UNC13C: variants seen among roughly 807,000 people sequenced by gnomAD.
UNC13C encodes the protein protein unc-13 homolog C.
In UNC13C, 174 loss-of-function variants were observed where a neutral mutation model predicts 245.4. That is an observed-to-expected ratio of 0.71 (90% CI 0.63 to 0.80). UNC13C has a LOEUF of 0.80. Among genes scored for constraint, UNC13C ranks in the 30% least tolerant of loss-of-function variants. UNC13C has a pLI of 0.00. For synonymous variants in UNC13C, 992 were observed against 895.1 expected (o/e 1.11, Z -1.93); for missense variants, 2,829 against 2,602.9 (o/e 1.09, Z -1.89).
intron 30 of UNC13C, among the ~76,000 whole-genome samples, chr15:54,586,488 C>A (rs961052889): frequency 2.0e-5 from 3 of 152,146 alleles, no homozygotes; most frequent in Non-Finnish European, 4.4e-5. Flanking sequence ...TCTCTTCCTC[C>A]TCTTAAAAGG....
the UNC13C span, among the ~76,000 whole-genome samples, chr15:53,839,839 T>G: frequency 7.4e-3 from 1,132 of 152,246 alleles, 14 homozygotes; most frequent in African/African-American, 0.025. Context: ...TAAATTTTGA[T>G]ACGGATGTGT....
At chr15:53,939,367 C>A in the UNC13C span, among the ~76,000 whole-genome samples, 16 of 151,746 alleles carry the variant, frequency 1.1e-4, no homozygotes, top group African/African-American at 3.1e-4. Flanking sequence ...ACCAAAAAAC[C>A]CCGGGACCCG....
chr15:53,895,422 T>TA, the UNC13C span, among the ~76,000 whole-genome samples: 1 of 151,482 alleles, frequency 6.6e-6, no homozygotes, highest in Admixed American at 6.6e-5. Context: ...AAACAGGTTG[T>TA]AAGTAATTTA....
At chr15:54,132,431 T>C (rs1229282388) in intron 2 of UNC13C, among the ~76,000 whole-genome samples, 1 of 152,224 alleles carries the variant, frequency 6.6e-6, no homozygotes, top group Non-Finnish European at 1.5e-5. Flanking sequence ...ATGTGAGTTA[T>C]GAGTTAAATC....
At position 54,250,308 on chromosome 15, in the gene UNC13C, G is replaced by C; in HGVS notation, c.3312G>C (p.Thr1104=). The change falls in exon 8 of 33, where the codon ACG becomes ACC. Residue 1104 remains threonine (T), a synonymous_variant. Coordinates refer to ENST00000260323, the MANE Select transcript of UNC13C (RefSeq NM_001080534.3). ...STIPHNFEVW[T]ATTPTYCYEC... ...TCCCACACAATTTTGAGGTCTGGAC[G>C]GCTACCACACCCACCTACTGTTATG... 1 of 1,613,872 alleles carries C rather than the reference G, an allele frequency of 6.2e-7. No homozygotes were observed. The highest frequency in any genetic ancestry group is 8.5e-7 in the Non-Finnish European group (1 of 1,179,864).
chr15:54,517,450 G>A (rs1357074942), intron 24 of UNC13C, among the ~76,000 whole-genome samples: 6 of 152,026 alleles, frequency 3.9e-5, no homozygotes, highest in African/African-American at 1.4e-4. Flanking sequence ...TAATGCCTGG[G>A]GTCTCAAGGA....
At chr15:54,194,999 C>T (rs2034305187) in intron 4 of UNC13C, among the ~76,000 whole-genome samples, 1 of 152,080 alleles carries the variant, frequency 6.6e-6, no homozygotes, top group Non-Finnish European at 1.5e-5. Flanking sequence ...ATTACATTTA[C>T]CTCCTGGCAT....
At position 54,414,966 on chromosome 15, in the gene UNC13C, A is replaced by G. The variant is rs148052718; in HGVS notation, c.4848-16A>G. On this transcript the variant is annotated splice_polypyrimidine_tract_variant and intron_variant, in intron 18 of 32. Coordinates refer to ENST00000260323, the MANE Select transcript of UNC13C (RefSeq NM_001080534.3). ...CTTTTCTTCTTCATACACTAATACA[A>G]TGTGTTTGGTTTTAGGTTTCCTCAA... 519 of 1,604,938 alleles carry G rather than the reference A, an allele frequency of 3.2e-4. 2 individuals carry two copies. The African/African-American group carries it at 6.1e-3, about 19-fold the overall frequency.
chr15:54,198,299 C>T (rs1353790395), intron 4 of UNC13C, among the ~76,000 whole-genome samples: 1 of 152,088 alleles, frequency 6.6e-6, no homozygotes, highest in African/African-American at 2.4e-5. Context: ...CCTGAGAAAC[C>T]TGAATACTTA....
chr15:54,119,789 A>G (rs1289863602), intron 2 of UNC13C, among the ~76,000 whole-genome samples: 1 of 152,198 alleles, frequency 6.6e-6, no homozygotes, highest in East Asian at 1.9e-4. Flanking sequence ...AAAGCAAAAC[A>G]ACTTTATTGC....
At chr15:54,135,456 T>G (rs1223772393) in intron 2 of UNC13C, among the ~76,000 whole-genome samples, 1 of 152,200 alleles carries the variant, frequency 6.6e-6, no homozygotes, top group African/African-American at 2.4e-5. Context: ...CACTTAAGAA[T>G]CCATTCCAAG....
At chr15:53,976,324 T>G (rs1439286781), upstream of UNC13C, among the ~76,000 whole-genome samples, 1 of 152,188 alleles carries the variant, frequency 6.6e-6, no homozygotes, top group African/African-American at 2.4e-5. Context: ...CATGAAACAT[T>G]ATTTCTTCTT....
At chr15:54,327,599 A>G (rs1303351222) in intron 14 of UNC13C, among the ~76,000 whole-genome samples, 1 of 152,110 alleles carries the variant, frequency 6.6e-6, no homozygotes, top group African/African-American at 2.4e-5. Context: ...CTATTGCAAT[A>G]GGGAAGAGAG....
the UNC13C span, chr15:53,912,900 AG>A: frequency 6.6e-6 from 1 of 152,252 alleles, no homozygotes; most frequent in Non-Finnish European, 1.5e-5. Context: ...AACTGAATAA[AG>A]CAACATCCCC....
At chr15:54,198,854 C>G (rs113450363) in intron 4 of UNC13C, among the ~76,000 whole-genome samples, 6 of 151,936 alleles carry the variant, frequency 3.9e-5, no homozygotes, top group African/African-American at 1.4e-4. Flanking sequence ...GGATCCAAAT[C>G]AAGAAAAAAA....
chr15:54,280,574 A>C (rs917420141), intron 10 of UNC13C, among the ~76,000 whole-genome samples: 1 of 149,908 alleles, frequency 6.7e-6, no homozygotes, highest in Non-Finnish European at 1.5e-5. Context: ...ATTTCTGAAA[A>C]ACCCATTGTC....
At chr15:53,851,085 C>T in the UNC13C span, among the ~76,000 whole-genome samples, 3 of 151,750 alleles carry the variant, frequency 2.0e-5, no homozygotes, top group African/African-American at 7.3e-5. Context: ...TTCTTATATC[C>T]TTGAGCATAT....
the UNC13C span, among the ~76,000 whole-genome samples, chr15:53,843,378 C>T: frequency 1.3e-5 from 2 of 152,012 alleles, no homozygotes; most frequent in African/African-American, 4.8e-5. Flanking sequence ...GGGAGGACTG[C>T]TTGAGCCCAG....
chr15:54,305,831 T>G (rs2037711617), intron 13 of UNC13C, among the ~76,000 whole-genome samples: 1 of 152,098 alleles, frequency 6.6e-6, no homozygotes, highest in Non-Finnish European at 1.5e-5. Context: ...TGGATTTTCC[T>G]AGACACTATT....
Sources: gnomAD v4.1 joint callset for allele counts (sites outside exome capture counted in the v4.1 genomes callset) on GRCh38, gnomAD v4.1.1 for gene constraint, MANE v1.5 for transcripts, NCBI Gene and HGNC (gene_info 2026-07-23, HGNC 2026-07-21) for gene names.